Variants in CEP112 observed in about 807,000 individuals in gnomAD.
CEP112 encodes the protein centrosomal protein 112, also known as centrosomal protein of 112 kDa.
A neutral mutation model predicts 153.0 loss-of-function variants in CEP112; 127 were observed. The observed-to-expected ratio is 0.83, with a 90% CI of 0.72 to 0.96. The LOEUF (loss-of-function observed/expected upper bound fraction) is 0.96, where lower values mean the gene tolerates loss of function less well. Ranked by LOEUF, CEP112 falls within the 40% of genes least tolerant of loss-of-function variation. The pLI, the probability that CEP112 is intolerant of heterozygous loss-of-function variation, is 0.00. For missense variants in CEP112, 1,089 were observed against 1,101.2 expected (o/e 0.99, Z 0.16); for synonymous variants, 358 against 374.4 (o/e 0.96, Z 0.51).
chr17:65,996,302 C>T (rs2063790347), intron 17 of CEP112, among the ~76,000 whole-genome samples: 1 of 149,710 alleles, frequency 6.7e-6, no homozygotes, highest in Admixed American at 6.7e-5. Context: ...GCAGTATATC[C>T]ATGTAATAAA....
At chr17:65,747,361 T>C (rs1023419075) in intron 22 of CEP112, among the ~76,000 whole-genome samples, 2 of 151,990 alleles carry the variant, frequency 1.3e-5, no homozygotes. Context: ...GCATCAGGCA[T>C]TGGGTAGTGT....
Position 65,837,014 on chromosome 17 carries a change from G to A in CEP112, c.2394+14790C>T, listed in dbSNP as rs189616828. ...GAGACGGGGTTTCGCCGTGTTGGCC[G>A]GGCTGGTCTCCAGCTCCTAAATGCG... On this transcript the variant is annotated intron_variant, in intron 21 of 26. Coordinates refer to ENST00000535342, the MANE Select transcript of CEP112 (RefSeq NM_001199165.4). 8.5e-4 allele frequency among the ~76,000 whole-genome samples: 129 copies of A among 152,262 alleles called. 2 individuals carry two copies. The highest frequency in any genetic ancestry group is 1.4e-3 in the Non-Finnish European group (97 of 68,034).
At chr17:66,035,814 C>G (rs1394294958) in intron 12 of CEP112, among the ~76,000 whole-genome samples, 3 of 152,140 alleles carry the variant, frequency 2.0e-5, no homozygotes, top group Non-Finnish European at 4.4e-5. Context: ...CAGAAACATA[C>G]CAGGAAAACC....
At chr17:66,099,504 C>CA (rs71160532) in intron 6 of CEP112, among the ~76,000 whole-genome samples, 40,858 of 112,628 alleles carry the variant, frequency 0.36, 7,265 homozygotes, top group South Asian at 0.49. Flanking sequence ...AACTCTGTCT[C>CA]AAAAAAAAAA....
At chr17:66,045,151 G>A (rs1268134333) in intron 12 of CEP112, among the ~76,000 whole-genome samples, 1 of 151,988 alleles carries the variant, frequency 6.6e-6, no homozygotes, top group Non-Finnish European at 1.5e-5. Context: ...GCTCACTGCA[G>A]TCTTGGCTTC....
At chr17:65,910,337 A>T (rs115182143) in intron 19 of CEP112, among the ~76,000 whole-genome samples, 2,039 of 152,314 alleles carry the variant, frequency 0.013, 49 homozygotes, top group African/African-American at 0.047. Context: ...TCCATTTAAC[A>T]GATTTGGACA....
At chr17:66,167,293 A>G (rs923499977) in intron 4 of CEP112, among the ~76,000 whole-genome samples, 3 of 152,248 alleles carry the variant, frequency 2.0e-5, no homozygotes, top group Admixed American at 2.0e-4. Context: ...CTATTACAAT[A>G]ATGATCACCA....
At chr17:65,989,439 C>T (rs1027686807) in intron 17 of CEP112, among the ~76,000 whole-genome samples, 3 of 151,312 alleles carry the variant, frequency 2.0e-5, no homozygotes, top group African/African-American at 7.3e-5. Context: ...AACCATACAG[C>T]CCAGGAGGGA....
intron 16 of CEP112, among the ~76,000 whole-genome samples, chr17:66,009,076 T>G (rs2064396561): frequency 6.6e-6 from 1 of 152,086 alleles, no homozygotes; most frequent in African/African-American, 2.4e-5. Flanking sequence ...GATACGGTAG[T>G]GCTATTTTTA....
chr17:65,836,373 C>A (rs553627271), intron 21 of CEP112, among the ~76,000 whole-genome samples: 1 of 152,236 alleles, frequency 6.6e-6, no homozygotes, highest in South Asian at 2.1e-4. Flanking sequence ...AAACAAGATT[C>A]AACTGTACGC....
intron 17 of CEP112, among the ~76,000 whole-genome samples, chr17:65,975,467 C>T (rs1420200878): frequency 6.6e-6 from 1 of 152,016 alleles, no homozygotes; most frequent in Non-Finnish European, 1.5e-5. Context: ...TATACACACA[C>T]AGGGATGTAT....
chr17:65,868,689 A>G (rs936491177), intron 20 of CEP112, among the ~76,000 whole-genome samples: 1 of 152,192 alleles, frequency 6.6e-6, no homozygotes, highest in African/African-American at 2.4e-5. Context: ...CAACCTGTCA[A>G]TTTATTTCAT....
intron 20 of CEP112, among the ~76,000 whole-genome samples, chr17:65,859,052 C>T (rs1023000662): frequency 6.6e-6 from 1 of 152,140 alleles, no homozygotes; most frequent in Admixed American, 6.5e-5. Flanking sequence ...TTTAATTTTA[C>T]CTTAATTTTA....
At position 65,793,292 on chromosome 17, in the gene CEP112, A is replaced by G. The variant is rs190788027; in HGVS notation, c.2395-42568T>C. On this transcript the variant is annotated intron_variant, in intron 21 of 26. Transcript: ENST00000535342. ...TAAGTGGGAGCTGAATGATGAGAAC[A>G]CATGGACCCATGAGGGAGAACAACA... Among the ~76,000 whole-genome samples, 4 of 152,294 alleles carry G rather than the reference A, an allele frequency of 2.6e-5. No homozygotes were observed. The East Asian group carries it at 7.7e-4, about 29-fold the overall frequency.
chr17:65,970,386 T>TTACATGCACACATCATGCATAC (rs1568313710), intron 17 of CEP112, among the ~76,000 whole-genome samples: 2 of 61,460 alleles, frequency 3.3e-5, no homozygotes, highest in Non-Finnish European at 7.5e-5. Flanking sequence ...ATCATGCATA[T>TTACATGCACACATCATGCATAC]ATATTACATG....
At chr17:66,103,831 GCA>G (rs2068666766) in intron 6 of CEP112, among the ~76,000 whole-genome samples, 1 of 152,200 alleles carries the variant, frequency 6.6e-6, no homozygotes, top group African/African-American at 2.4e-5. Context: ...GGAAGGAAGA[GCA>G]CAGTGATTGT....
intron 13 of CEP112, among the ~76,000 whole-genome samples, chr17:66,029,516 G>A (rs189114066): frequency 5.4e-4 from 82 of 152,138 alleles, no homozygotes; most frequent in African/African-American, 2.0e-3. Context: ...GGGCAACAGA[G>A]TGAGACCGTG....
intron 23 of CEP112, among the ~76,000 whole-genome samples, chr17:65,703,035 A>G (rs953131992): frequency 1.3e-5 from 2 of 152,188 alleles, no homozygotes; most frequent in Non-Finnish European, 2.9e-5. Flanking sequence ...GGAAAAACAT[A>G]TGATACATCA....
At chr17:65,964,582 G>C (rs907498630) in intron 17 of CEP112, among the ~76,000 whole-genome samples, 26 of 152,272 alleles carry the variant, frequency 1.7e-4, no homozygotes, top group African/African-American at 5.3e-4. Context: ...TCTAGACCTG[G>C]CTTGGCAAAT....
Sources: gnomAD v4.1 joint callset for allele counts (sites outside exome capture counted in the v4.1 genomes callset) on GRCh38, gnomAD v4.1.1 for gene constraint, MANE v1.5 for transcripts, NCBI Gene and HGNC (gene_info 2026-07-23, HGNC 2026-07-21) for gene names.